Variants in TRIOBP observed in about 807,000 individuals in gnomAD.
The protein encoded by TRIOBP is TRIO and F-actin-binding protein.
Under a neutral mutation model 238.8 loss-of-function variants are expected in TRIOBP, and 169 were observed. That is an observed-to-expected ratio of 0.71 (90% CI 0.62 to 0.80). The LOEUF (loss-of-function observed/expected upper bound fraction) is 0.80. Among genes scored for constraint, TRIOBP ranks in the 30% least tolerant of loss-of-function variants. The probability of loss-of-function intolerance (pLI) is 0.00; values close to 1 mark genes in which losing one functional copy is unlikely to be tolerated. For synonymous variants in TRIOBP, 1,150 were observed against 1,274.4 expected, an observed-to-expected ratio of 0.90 and a Z score of 2.08; for missense variants, 2,838 against 3,122.6, an observed-to-expected ratio of 0.91 and a Z score of 2.17.
At chr22:37,766,856 G>T (rs907016860) in intron 18 of TRIOBP, among the ~76,000 whole-genome samples, 5 of 151,988 alleles carry the variant, frequency 3.3e-5, no homozygotes, top group African/African-American at 1.2e-4. Flanking sequence ...AGCTACTCAG[G>T]AGGCTAAGGC....
At chr22:37,719,996 C>A (rs1348686410) in intron 6 of TRIOBP, among the ~76,000 whole-genome samples, 2 of 44,988 alleles carry the variant, frequency 4.4e-5, no homozygotes, top group South Asian at 8.8e-4. Context: ...CATCCCCCCC[C>A]GCCCTTTTTT....
At chr22:37,768,003 T>C in intron 18 of TRIOBP, 71 bp from the exon 19 acceptor site, 1 of 1,216,796 alleles carries the variant, frequency 8.2e-7, no homozygotes, top group South Asian at 1.3e-5. Context: ...ATGTGGCGTC[T>C]CAGAGCTGGT....
At position 37,723,677 on chromosome 22, in the gene TRIOBP, A is replaced by C; in HGVS notation, c.1121A>C (p.Gln374Pro). ...PQTSFPTCTPQRENPRTPCVQ... is the reference protein window; with the variant it reads ...PQTSFPTCTPPRENPRTPCVQ... ...ACTTCTTTTCCTACTTGTACTCCCC[A>C]GCGGGAAAACCCCAGGACACCCTGT... The change falls in exon 7 of 24, where the codon CAG becomes CCG. Residue 374 changes from glutamine to proline, a missense_variant. Coordinates refer to ENST00000644935, the MANE Select transcript of TRIOBP (RefSeq NM_001039141.3). 6.2e-7 allele frequency: 1 copy of C among 1,613,570 alleles called. No homozygotes were observed. The highest frequency in any genetic ancestry group is 8.5e-7 in the Non-Finnish European group (1 of 1,179,904).
At chr22:37,766,578 G>C (rs1329417360) in intron 18 of TRIOBP, among the ~76,000 whole-genome samples, 1 of 152,238 alleles carries the variant, frequency 6.6e-6, no homozygotes, top group Non-Finnish European at 1.5e-5. Context: ...TAAGGTTTCT[G>C]CTGTGAAATG....
chr22:37,757,612 G>A lies in TRIOBP; in HGVS notation c.5688-1G>A, dbSNP rs112707525. 6.3e-7 allele frequency: 1 copy of A among 1,578,612 alleles called. No individual in the cohort carries two copies. Among genetic ancestry groups the A allele is most frequent in the Non-Finnish European group, 8.6e-7 (1 of 1,165,514 alleles). On this transcript the variant is annotated splice_acceptor_variant, in intron 15 of 23. Coordinates refer to ENST00000644935, the MANE Select transcript of TRIOBP (RefSeq NM_001039141.3). LOFTEE classifies it high-confidence loss of function. Reference sequence around the variant, plus strand: ...CTGACGTGGCTCTGCTGGTGCCCTAGGCTCTCGGACTCTAACAAGGAGAAC... The same window carrying A: ...CTGACGTGGCTCTGCTGGTGCCCTAAGCTCTCGGACTCTAACAAGGAGAAC...
chr22:37,734,660 C>T lies in TRIOBP; in HGVS notation c.4324C>T (p.His1442Tyr). ...EPPGSQGPHR[H>Y]LERSWSSQEG... is the part of the protein sequence containing the mutation. The stretch of plus-strand genomic sequence containing the variant: ...GCCAGGGTCCCAGGGCCCTCATAGA[C>T]ACCTAGAAAGGAGCTGGAGCAGCCA... Residue 1442 changes from histidine to tyrosine, a missense_variant, in exon 9 of 24, where the codon CAC (histidine) becomes TAC (tyrosine). Coordinates refer to ENST00000644935, the MANE Select transcript of TRIOBP (RefSeq NM_001039141.3). 1 of 1,598,800 alleles carries T rather than the reference C, an allele frequency of 6.3e-7. No homozygotes were observed. Among genetic ancestry groups the T allele is most frequent in the Non-Finnish European group, 8.5e-7 (1 of 1,173,284 alleles).
At chr22:37,746,154 C>T (rs1328891706) in intron 11 of TRIOBP, 9 of 1,023,482 alleles carry the variant, frequency 8.8e-6, no homozygotes, top group Non-Finnish European at 1.1e-5. Flanking sequence ...GCGGCCCCCG[C>T]CGCTGTTTGT....
chr22:37,722,160 G>A (rs1380155601), intron 6 of TRIOBP, among the ~76,000 whole-genome samples: 3 of 150,794 alleles, frequency 2.0e-5, no homozygotes, highest in Admixed American at 6.7e-5. Flanking sequence ...CTATCCTCAT[G>A]GCAGCCCTAG....
intron 7 of TRIOBP, among the ~76,000 whole-genome samples, chr22:37,730,300 A>G (rs1053234359): frequency 2.0e-5 from 3 of 152,182 alleles, no homozygotes; most frequent in African/African-American, 7.2e-5. Context: ...GCATCGGACA[A>G]GCCAGGTCTC....
In TRIOBP at chr22:37,750,122, C is replaced by T. The variant is rs752016236; in HGVS notation, c.5323-1650C>T. On this transcript the variant is annotated intron_variant, in intron 11 of 23. Transcript: ENST00000644935. ...AAGCTGCGGGAGGGGAGGACCGCCC[C>T]GTCATTTGCCACATCAGGCAGCCAG... Among the ~76,000 whole-genome samples, 11 of 152,294 alleles carry T rather than the reference C, an allele frequency of 7.2e-5. No individual in the cohort carries two copies. The South Asian group carries it at 1.2e-3, about 17-fold the overall frequency.
chr22:37,709,387 C>T (rs563592299), intron 3 of TRIOBP, among the ~76,000 whole-genome samples: 15 of 152,344 alleles, frequency 9.8e-5, no homozygotes, highest in African/African-American at 2.9e-4. Context: ...GGCTGGGGCC[C>T]GGCTTATGAA....
intron 3 of TRIOBP, among the ~76,000 whole-genome samples, chr22:37,709,447 A>G (rs1923119388): frequency 6.6e-6 from 1 of 152,182 alleles, no homozygotes; most frequent in Admixed American, 6.5e-5. Context: ...TAAGGTTTCC[A>G]CTGCCTCGGC....
At chr22:37,770,357 G>A (rs1926709883) in intron 21 of TRIOBP, among the ~76,000 whole-genome samples, 2 of 149,866 alleles carry the variant, frequency 1.3e-5, no homozygotes, top group Non-Finnish European at 3.0e-5. Context: ...GGCTGAGGCA[G>A]GAGAATGGCA....
chr22:37,745,489 T>C (rs1925174462), intron 11 of TRIOBP, among the ~76,000 whole-genome samples: 1 of 151,984 alleles, frequency 6.6e-6, no homozygotes, highest in South Asian at 2.1e-4. Context: ...AAAGAGCATC[T>C]AACAAACGGC....
At position 37,713,220 on chromosome 22, in the gene TRIOBP, C is replaced by T; in HGVS notation, c.265C>T (p.Pro89Ser). Residue 89 changes from proline (P) to serine (S), a missense_variant, in exon 5 of 24, where the codon CCC becomes TCC. Pro to Ser is a moderately conservative substitution (Grantham distance 74). Transcript: ENST00000644935. The part of the protein sequence containing the change: ...LRPGPKRGPS[P>S]SAGLPEEGPT... ...TGTCTCCTCTCCCAGGGGCCCATCC[C>T]CCTCAGCAGGGCTCCCAGAAGAGGG... 2 of 1,613,516 alleles carry T rather than the reference C, an allele frequency of 1.2e-6. No homozygotes were observed. Among genetic ancestry groups the T allele is most frequent in the African/African-American group, 2.7e-5 (2 of 75,006 alleles).
intron 11 of TRIOBP, chr22:37,750,929 A>G: frequency 2.7e-6 from 1 of 368,116 alleles, no homozygotes; most frequent in Non-Finnish European, 5.5e-6. Flanking sequence ...GTAGGCTCAG[A>G]GCCATGGCAA....
chr22:37,714,200 C>A (rs1186777870), intron 5 of TRIOBP, among the ~76,000 whole-genome samples: 1 of 152,154 alleles, frequency 6.6e-6, no homozygotes, highest in Middle Eastern at 3.2e-3. Flanking sequence ...TTTTCTCTGG[C>A]CCCTGGGGCT....
chr22:37,747,438 C>T (rs1170358907), intron 11 of TRIOBP, among the ~76,000 whole-genome samples: 1 of 152,004 alleles, frequency 6.6e-6, no homozygotes, highest in Non-Finnish European at 1.5e-5. Flanking sequence ...GGAGTGGAGA[C>T]CCTGCGGAGG....
At chr22:37,747,445 G>A (rs914319106) in intron 11 of TRIOBP, among the ~76,000 whole-genome samples, 1 of 152,074 alleles carries the variant, frequency 6.6e-6, no homozygotes, top group Non-Finnish European at 1.5e-5. Context: ...AGACCCTGCG[G>A]AGGAGTGGGT....
Sources: gnomAD v4.1 joint callset for allele counts (sites outside exome capture counted in the v4.1 genomes callset) on GRCh38, gnomAD v4.1.1 for gene constraint, MANE v1.5 for transcripts, NCBI Gene and HGNC (gene_info 2026-07-23, HGNC 2026-07-21) for gene names.